The following BICDL1 variants were observed in gnomAD, a reference collection of about 807,000 sequenced individuals.
BICDL1 encodes the protein BICD family-like cargo adapter 1.
Under a neutral mutation model 76.8 loss-of-function variants are expected in BICDL1, and 20 were observed. The ratio of observed to expected loss-of-function variants is 0.26; its 90% CI spans 0.18 to 0.38. BICDL1 has a LOEUF of 0.38. BICDL1 is among the 10% of genes least tolerant of loss of function. The pLI is 1.00. For synonymous variants in BICDL1, 383 were observed against 337.1 expected (o/e 1.14, Z -1.49); for missense variants, 700 against 798.6 (o/e 0.88, Z 1.49).
chr12:120,010,144 G>A (rs752041755), intron 2 of BICDL1, among the ~76,000 whole-genome samples: 2 of 152,212 alleles, frequency 1.3e-5, no homozygotes, highest in East Asian at 1.9e-4. Context: ...GTGTGGAGAC[G>A]CCAGCCTGCA....
chr12:120,030,128 A>G (rs1373339784), intron 2 of BICDL1, among the ~76,000 whole-genome samples: 1 of 151,474 alleles, frequency 6.6e-6, no homozygotes, highest in East Asian at 1.9e-4. Context: ...CTGTCACCAC[A>G]CTTGGTAACC....
intron 2 of BICDL1, among the ~76,000 whole-genome samples, chr12:120,009,878 A>G (rs775017319): frequency 6.6e-6 from 1 of 152,232 alleles, no homozygotes; most frequent in Non-Finnish European, 1.5e-5. Context: ...CCATTTCTCT[A>G]CATTGGCATC....
At chr12:120,054,858 C>T (rs1952942195) in intron 2 of BICDL1, among the ~76,000 whole-genome samples, 1 of 152,114 alleles carries the variant, frequency 6.6e-6, no homozygotes, top group African/African-American at 2.4e-5. Flanking sequence ...CCAGTCTTGG[C>T]AGCAGAGCAA....
At chr12:120,070,779 T>G (rs1243157961) in intron 4 of BICDL1, among the ~76,000 whole-genome samples, 1 of 151,742 alleles carries the variant, frequency 6.6e-6, no homozygotes, top group Non-Finnish European at 1.5e-5. Context: ...TCGCCCAGGC[T>G]GGAGTGCAAT....
At chr12:120,062,585 C>T (rs764126370) in intron 3 of BICDL1, among the ~76,000 whole-genome samples, 4 of 152,146 alleles carry the variant, frequency 2.6e-5, no homozygotes, top group Non-Finnish European at 5.9e-5. Flanking sequence ...TGTGACGAAG[C>T]GATCTGCCAT....
chr12:120,079,686 G>C lies in BICDL1; in HGVS notation c.1453-1201G>C, dbSNP rs1258277052. 6.6e-6 allele frequency among the ~76,000 whole-genome samples: 1 copy of C among 152,186 alleles called. No individual in the cohort carries two copies. Among genetic ancestry groups the C allele is most frequent in the Non-Finnish European group, 1.5e-5 (1 of 68,044 alleles). On this transcript the variant is annotated intron_variant, in intron 7 of 9. Transcript: ENST00000548673. This position sits in a 1 kb window ranked among gnomAD's most constrained non-coding sequence, Gnocchi z 4.3. ...TTGCAAACAGCAAAACATGTACTCT[G>C]CTTAATGTAAGCAGAAAGAGAATGT...
chr12:120,093,198 G>C lies in BICDL1; in HGVS notation c.*37G>C. ...TCAGGCCACCAAAGATGGGTGGACT[G>C]GAGGCAGCTGGAAAGGCGGTGCAGG... is the stretch of plus-strand genomic sequence containing the variant. On this transcript the variant is annotated 3_prime_UTR_variant, in exon 10 of 10. Coordinates refer to ENST00000548673, the MANE Select transcript of BICDL1 (RefSeq NM_001367886.1). 6.4e-7 allele frequency: 1 copy of C among 1,555,652 alleles called. No individual in the cohort carries two copies. The highest frequency in any genetic ancestry group is 8.7e-7 in the Non-Finnish European group (1 of 1,149,198).
intron 3 of BICDL1, among the ~76,000 whole-genome samples, chr12:120,064,299 G>A (rs1422988131): frequency 3.3e-5 from 5 of 152,208 alleles, no homozygotes; most frequent in African/African-American, 7.2e-5. Flanking sequence ...AAAACACGGC[G>A]CTCCAGAGGA....
chr12:120,040,118 T>A (rs755964383), intron 2 of BICDL1, among the ~76,000 whole-genome samples: 19 of 152,196 alleles, frequency 1.2e-4, no homozygotes, highest in Non-Finnish European at 2.4e-4. Context: ...TTTTTGTTCT[T>A]CTGAGATAGA....
Position 120,033,522 on chromosome 12 carries a change from G to A in BICDL1, c.646-28188G>A, listed in dbSNP as rs191322843. Among the ~76,000 whole-genome samples the A allele has an allele frequency of 1.1e-3, 165 of 151,600 alleles. 1 individual carries two copies. Among genetic ancestry groups the A allele is most frequent in the African/African-American group, 3.9e-3 (160 of 41,282 alleles). ...CTCCCAAGTAGCTGGGGCTACAGGCGCCCGCCTCCACGCCCGGCTAATTTT... is the reference window on the plus strand; with the variant it reads ...CTCCCAAGTAGCTGGGGCTACAGGCACCCGCCTCCACGCCCGGCTAATTTT... On this transcript the variant is annotated intron_variant, in intron 2 of 9. Transcript: ENST00000548673.
chr12:120,077,096 G>T (rs963015226), intron 7 of BICDL1, among the ~76,000 whole-genome samples: 7 of 152,220 alleles, frequency 4.6e-5, no homozygotes, highest in African/African-American at 1.7e-4. Context: ...TCATCTGATG[G>T]CTGACCCAGC....
chr12:120,021,236 A>C (rs112247670), intron 2 of BICDL1, among the ~76,000 whole-genome samples: 8,396 of 151,600 alleles, frequency 0.055, 458 homozygotes, highest in African/African-American at 0.14. Context: ...GTGAGCAGAG[A>C]TGGTACCAGA....
At chr12:119,995,953 T>A (rs1232961867) in intron 1 of BICDL1, among the ~76,000 whole-genome samples, 5 of 149,716 alleles carry the variant, frequency 3.3e-5, no homozygotes, top group African/African-American at 1.2e-4. Flanking sequence ...GCCACTGCAC[T>A]CCAGCCTGGG....
At chr12:120,090,328 C>T in intron 9 of BICDL1, 1 of 414,916 alleles carries the variant, frequency 2.4e-6, no homozygotes, top group Non-Finnish European at 4.3e-6. Context: ...GAATGGGGCC[C>T]CCTTTCAGCT....
At chr12:119,990,658 T>G (rs1047269999) in intron 1 of BICDL1, among the ~76,000 whole-genome samples, 7 of 152,242 alleles carry the variant, frequency 4.6e-5, no homozygotes, top group African/African-American at 1.7e-4. Context: ...TTGCAGGTTT[T>G]CAGAGCAGTT....
At chr12:120,072,041 A>G (rs967514663) in intron 5 of BICDL1, among the ~76,000 whole-genome samples, 2 of 152,252 alleles carry the variant, frequency 1.3e-5, no homozygotes, top group Non-Finnish European at 2.9e-5. Flanking sequence ...ACAGAGTATC[A>G]TAGGCACAGC....
intron 2 of BICDL1, among the ~76,000 whole-genome samples, chr12:120,020,348 G>A (rs1000420679): frequency 6.6e-6 from 1 of 152,192 alleles, no homozygotes; most frequent in African/African-American, 2.4e-5. Context: ...TGGAGAGTTG[G>A]CTGCAATTGA....
intron 8 of BICDL1, among the ~76,000 whole-genome samples, chr12:120,085,137 T>C (rs1252050448): frequency 6.6e-6 from 1 of 152,156 alleles, no homozygotes; most frequent in African/African-American, 2.4e-5. Context: ...ATTTAGTTAA[T>C]GGATACTTAA....
At chr12:120,046,422 C>G (rs887010410) in intron 2 of BICDL1, among the ~76,000 whole-genome samples, 1 of 152,206 alleles carries the variant, frequency 6.6e-6, no homozygotes, top group African/African-American at 2.4e-5. Flanking sequence ...GTAACAGCAA[C>G]AGCTAACACA....
Sources: allele counts gnomAD v4.1 joint callset (sites outside exome capture counted in the v4.1 genomes callset), GRCh38; gene constraint gnomAD v4.1.1; non-coding constraint Gnocchi (gnomAD v3.1); transcripts MANE v1.5; gene names NCBI Gene and HGNC (gene_info 2026-07-23, HGNC 2026-07-21).